The following CYP39A1 variants were observed in gnomAD, a reference collection of about 807,000 sequenced individuals.
CYP39A1 encodes the protein 24-hydroxycholesterol 7-alpha-hydroxylase.
A neutral mutation model predicts 58.1 loss-of-function variants in CYP39A1; 49 were observed. The ratio of observed to expected loss-of-function variants is 0.84; its 90% CI spans 0.67 to 1.07. The LOEUF (loss-of-function observed/expected upper bound fraction) is 1.07, where lower values mean the gene tolerates loss of function less well. Among genes scored for constraint, CYP39A1 ranks in the 50% least tolerant of loss-of-function variants. The probability of loss-of-function intolerance (pLI) is 0.00; values close to 1 mark genes in which losing one functional copy is unlikely to be tolerated. For missense variants in CYP39A1, 531 were observed against 539.4 expected (o/e 0.98, Z 0.16); for synonymous variants, 209 against 187.6 (o/e 1.11, Z -0.93).
At position 46,637,842 on chromosome 6, in the gene CYP39A1, CT is replaced by C; in HGVS notation, c.624del (p.Glu209SerfsTer4). On this transcript the variant is annotated frameshift_variant, in exon 4 of 12. Coordinates refer to ENST00000275016, the MANE Select transcript of CYP39A1 (RefSeq NM_016593.5). LOFTEE classifies it high-confidence loss of function. ...AACAACTGTTACCTTAGAAGACACT[CT>C]GGCAACTGGGACCCATACTCAAAAT... ...DEDFEYGSQL[P>X]ECLLRNWSKS... 1 of 1,612,458 alleles carries C rather than the reference CT, an allele frequency of 6.2e-7. No homozygotes were observed. Among genetic ancestry groups the C allele is most frequent in the Non-Finnish European group, 8.5e-7 (1 of 1,179,694 alleles).
intron 10 of CYP39A1, among the ~76,000 whole-genome samples, chr6:46,559,913 A>G (rs1441443194): frequency 1.3e-5 from 2 of 152,192 alleles, no homozygotes; most frequent in Admixed American, 1.3e-4. Context: ...TGCTTTATAT[A>G]CTTCTAAGCA....
At chr6:46,630,603 C>T (rs1775599574) in intron 6 of CYP39A1, among the ~76,000 whole-genome samples, 1 of 152,108 alleles carries the variant, frequency 6.6e-6, no homozygotes, top group Non-Finnish European at 1.5e-5. Context: ...AAGCATGTGG[C>T]CAATCCCTAT....
At chr6:46,550,964 T>C (rs1185006025) in intron 11 of CYP39A1, among the ~76,000 whole-genome samples, 1 of 152,118 alleles carries the variant, frequency 6.6e-6, no homozygotes, top group African/African-American at 2.4e-5. Flanking sequence ...ATATTCTGAC[T>C]TTTTTCGCCC....
chr6:46,618,176 GCTAT>G (rs1006564307), intron 7 of CYP39A1, among the ~76,000 whole-genome samples: 3 of 151,988 alleles, frequency 2.0e-5, no homozygotes, highest in Admixed American at 6.6e-5. Flanking sequence ...CAGGTACTAC[GCTAT>G]CTATCTAATT....
chr6:46,593,100 T>C (rs563747107), intron 8 of CYP39A1, among the ~76,000 whole-genome samples: 1 of 152,244 alleles, frequency 6.6e-6, no homozygotes, highest in African/African-American at 2.4e-5. Context: ...AGTGAAGAAT[T>C]AGTGTTAAAA....
chr6:46,642,602 G>A (rs772250265), intron 1 of CYP39A1, among the ~76,000 whole-genome samples: 14 of 151,968 alleles, frequency 9.2e-5, no homozygotes, highest in Non-Finnish European at 1.6e-4. Context: ...TATCAACATT[G>A]TGACATTTAA....
intron 7 of CYP39A1, among the ~76,000 whole-genome samples, chr6:46,615,244 A>T (rs1010251522): frequency 3.3e-5 from 5 of 150,914 alleles, no homozygotes; most frequent in Admixed American, 1.3e-4. Flanking sequence ...AAAATATATT[A>T]TATCATTATG....
chr6:46,568,860 T>G lies in CYP39A1; in HGVS notation c.1251-15006A>C, dbSNP rs535719629. On this transcript the variant is annotated intron_variant, in intron 10 of 11. Transcript: ENST00000275016. ...TTGTTCTTCTCTTTCAAGATTGTTTTGGCTACTTGGGGTCCTTGAAATTTT... is the reference window on the plus strand; with the variant it reads ...TTGTTCTTCTCTTTCAAGATTGTTTGGGCTACTTGGGGTCCTTGAAATTTT... 3.9e-5 allele frequency among the ~76,000 whole-genome samples: 6 copies of G among 152,144 alleles called. No individual in the cohort carries two copies. In the South Asian group the frequency reaches 1.2e-3, roughly 32 times the overall value.
At chr6:46,609,404 G>A (rs1185926955) in intron 7 of CYP39A1, among the ~76,000 whole-genome samples, 2 of 144,690 alleles carry the variant, frequency 1.4e-5, no homozygotes, top group Non-Finnish European at 3.0e-5. Flanking sequence ...GCGACAGCGA[G>A]ACTCCGTCTC....
chr6:46,624,262 G>A (rs1775161320), intron 7 of CYP39A1, among the ~76,000 whole-genome samples: 1 of 152,162 alleles, frequency 6.6e-6, no homozygotes, highest in African/African-American at 2.4e-5. Flanking sequence ...AATGATAAAG[G>A]AGAATATGTG....
At chr6:46,635,814 C>T (rs1319681396) in intron 5 of CYP39A1, among the ~76,000 whole-genome samples, 5 of 152,232 alleles carry the variant, frequency 3.3e-5, no homozygotes, top group South Asian at 2.1e-4. Flanking sequence ...TCTCCTGCGT[C>T]GGCCCCCCAA....
In CYP39A1 at chr6:46,652,426, T is replaced by G. The variant is rs771889861; in HGVS notation, c.157A>C (p.Ile53Leu). The G allele has an allele frequency of 2.5e-6, 4 of 1,612,796 alleles. No individual in the cohort carries two copies. The highest frequency in any genetic ancestry group is 2.7e-5 in the African/African-American group (2 of 74,878). ...CATACCTTGATTCTTGCTTTCTCTA[T>G]AAATTCTAGAGGGGCTTTCCCAAAC... ...FEFGKAPLEF[I>L]EKARIKYGPI... Residue 53 changes from isoleucine to leucine, a missense_variant, in exon 1 of 12, where the codon ATA becomes CTA. By Grantham distance (5) the Ile-to-Leu change is conservative. Coordinates refer to ENST00000275016, the MANE Select transcript of CYP39A1 (RefSeq NM_016593.5).
chr6:46,642,026 C>T, intron 2 of CYP39A1, 137 bp downstream of exon 2: 1 of 941,280 alleles, frequency 1.1e-6, no homozygotes, highest in Non-Finnish European at 1.6e-6. Context: ...ACTCTTTCCT[C>T]TTCTACCCAT....
chr6:46,615,158 T>C (rs978262142), intron 7 of CYP39A1, among the ~76,000 whole-genome samples: 3 of 152,118 alleles, frequency 2.0e-5, no homozygotes, highest in African/African-American at 4.8e-5. Context: ...TGTTGAAACA[T>C]AGGGTTCAGA....
intron 7 of CYP39A1, among the ~76,000 whole-genome samples, chr6:46,603,847 A>C (rs944416763): frequency 6.6e-6 from 1 of 152,214 alleles, no homozygotes; most frequent in Admixed American, 6.5e-5. Context: ...GGGACAAGCT[A>C]CTGGTTTGCT....
At chr6:46,597,872 C>T (rs1438240977) in intron 7 of CYP39A1, among the ~76,000 whole-genome samples, 1 of 152,066 alleles carries the variant, frequency 6.6e-6, no homozygotes, top group African/African-American at 2.4e-5. Flanking sequence ...TAAATTAAGA[C>T]CTTCGGCTTA....
At chr6:46,594,443 T>C (rs369905221) in intron 8 of CYP39A1, among the ~76,000 whole-genome samples, 1 of 152,064 alleles carries the variant, frequency 6.6e-6, no homozygotes, top group Admixed American at 6.6e-5. Context: ...AACAGCATGG[T>C]ACTGGCATAA....
chr6:46,557,933 C>CAAAAAA (rs1186594398), intron 10 of CYP39A1, among the ~76,000 whole-genome samples: 40 of 37,496 alleles, frequency 1.1e-3, no homozygotes, highest in Middle Eastern at 0.015. Context: ...GACTCCATCT[C>CAAAAAA]AAAAAAAAAA....
intron 1 of CYP39A1, among the ~76,000 whole-genome samples, chr6:46,651,603 T>C (rs2150620249): frequency 6.6e-6 from 1 of 152,304 alleles, no homozygotes; most frequent in East Asian, 1.9e-4. Flanking sequence ...TTTTACTAAA[T>C]TGGAATCTCA....
Sources: gnomAD v4.1 joint callset for allele counts (sites outside exome capture counted in the v4.1 genomes callset) on GRCh38, gnomAD v4.1.1 for gene constraint, MANE v1.5 for transcripts, NCBI Gene and HGNC (gene_info 2026-07-23, HGNC 2026-07-21) for gene names.